The following CCDC7 variants were observed in gnomAD, a reference collection of about 807,000 sequenced individuals.
The protein encoded by CCDC7 is coiled-coil domain containing 7, also known as coiled-coil domain-containing protein 7.
CCDC7 carries 183 observed loss-of-function variants against 196.9 expected under a neutral mutation model. That is an observed-to-expected ratio of 0.93 (90% CI 0.82 to 1.05). The LOEUF (loss-of-function observed/expected upper bound fraction) is 1.05, where lower values mean the gene tolerates loss of function less well. Ranked by LOEUF, CCDC7 falls within the 50% of genes least tolerant of loss-of-function variation. The probability of loss-of-function intolerance (pLI) is 0.00; values close to 1 mark genes in which losing one functional copy is unlikely to be tolerated. For missense variants in CCDC7, 1,540 were observed against 1,482.2 expected (o/e 1.04, Z -0.64); for synonymous variants, 525 against 484.6 (o/e 1.08, Z -1.10).
intron 18 of CCDC7, among the ~76,000 whole-genome samples, chr10:32,627,324 A>T (rs1317614494): frequency 6.6e-6 from 1 of 151,726 alleles, no homozygotes; most frequent in Non-Finnish European, 1.5e-5. Context: ...TCTGTTTTGG[A>T]TAGTTCATTG....
downstream of CCDC7, among the ~76,000 whole-genome samples, chr10:32,877,643 G>A (rs1338823510): frequency 6.6e-6 from 1 of 152,070 alleles, no homozygotes; most frequent in Admixed American, 6.6e-5. Context: ...GATTCAGCAG[G>A]CTTTTCTATA....
intron 24 of CCDC7, among the ~76,000 whole-genome samples, chr10:32,697,760 A>T (rs953583346): frequency 2.6e-5 from 4 of 152,218 alleles, no homozygotes; most frequent in Non-Finnish European, 5.9e-5. Context: ...ATAGCTGAAC[A>T]AAAGGCAGCG....
At chr10:32,692,780 G>A (rs2077235864) in intron 23 of CCDC7, among the ~76,000 whole-genome samples, 1 of 152,180 alleles carries the variant, frequency 6.6e-6, no homozygotes, top group African/African-American at 2.4e-5. Flanking sequence ...AGCTCTACCA[G>A]TGTCCCATTT....
At chr10:32,743,077 GT>G (rs1031523193) in intron 28 of CCDC7, among the ~76,000 whole-genome samples, 1 of 152,100 alleles carries the variant, frequency 6.6e-6, no homozygotes, top group Admixed American at 6.6e-5. Flanking sequence ...AATGTTATGG[GT>G]TTTTTCCCCA....
intron 9 of CCDC7, among the ~76,000 whole-genome samples, chr10:32,508,616 A>C (rs1283269418): frequency 1.3e-5 from 2 of 152,118 alleles, no homozygotes; most frequent in Non-Finnish European, 2.9e-5. Flanking sequence ...GGCTGGAAGC[A>C]CATTACTTTC....
chr10:32,811,704 C>A (rs1185614539), intron 30 of CCDC7, among the ~76,000 whole-genome samples: 1 of 152,042 alleles, frequency 6.6e-6, no homozygotes, highest in African/African-American at 2.4e-5. Context: ...GGACGGAATT[C>A]TCTGTAACTC....
chr10:32,641,382 C>T (rs1049143662), intron 20 of CCDC7, among the ~76,000 whole-genome samples: 6 of 152,182 alleles, frequency 3.9e-5, no homozygotes, highest in South Asian at 2.1e-4. Context: ...AACTTCTCTT[C>T]TCACTTCATT....
intron 28 of CCDC7, among the ~76,000 whole-genome samples, chr10:32,736,094 C>T (rs2084820116): frequency 1.3e-5 from 2 of 152,122 alleles, no homozygotes; most frequent in Admixed American, 1.3e-4. Context: ...TGGGTAGTGT[C>T]AATCCTTTGA....
chr10:32,852,027 C>T (rs2093584120), intron 40 of CCDC7, 95 bp downstream of exon 41: 28 of 1,279,202 alleles, frequency 2.2e-5, no homozygotes, highest in Non-Finnish European at 2.6e-5. Context: ...AGTCATATAA[C>T]AGTTTGGCAA....
chr10:32,561,800 CA>C (rs2055710790), intron 13 of CCDC7, among the ~76,000 whole-genome samples: 1 of 152,102 alleles, frequency 6.6e-6, no homozygotes, highest in African/African-American at 2.4e-5. Context: ...TAAGTAAAAT[CA>C]GAGCAGAACT....
chr10:32,587,987 A>G (rs555676019), intron 18 of CCDC7, among the ~76,000 whole-genome samples: 2 of 152,220 alleles, frequency 1.3e-5, no homozygotes, highest in African/African-American at 4.8e-5. Flanking sequence ...GCCTTGCCAC[A>G]TGAATAAATT....
intron 23 of CCDC7, among the ~76,000 whole-genome samples, 195 bp downstream of exon 24, chr10:32,689,358 G>A (rs142181663): frequency 2.0e-3 from 310 of 152,204 alleles, no homozygotes; most frequent in Middle Eastern, 0.01. Flanking sequence ...CATGACCACA[G>A]GACACACAGT....
At chr10:32,837,302 C>T (rs534486478) in intron 33 of CCDC7, among the ~76,000 whole-genome samples, 21 of 152,244 alleles carry the variant, frequency 1.4e-4, no homozygotes, top group African/African-American at 4.3e-4. Context: ...GACATTTATG[C>T]AGCCAAAAGA....
intron 3 of CCDC7, among the ~76,000 whole-genome samples, chr10:32,461,192 T>A (rs2035546996): frequency 6.6e-6 from 1 of 152,172 alleles, no homozygotes. Flanking sequence ...AGTTACATAC[T>A]GATAAACCCA....
Position 32,648,191 on chromosome 10 carries a change from C to G in CCDC7, c.2014+13033C>G, listed in dbSNP as rs374438795. Among the ~76,000 whole-genome samples, 20 of 152,238 alleles carry G rather than the reference C, an allele frequency of 1.3e-4. No individual in the cohort carries two copies. In the South Asian group the frequency reaches 2.3e-3, roughly 17 times the overall value. On this transcript the variant is annotated intron_variant, in intron 20 of 41. Coordinates refer to ENST00000639629, the Ensembl canonical transcript of CCDC7. ...TATTCTATTTTATTGGATTGTGTGT[C>G]TGTTTTTGTACCAGTACCAAACTGT...
chr10:32,805,697 A>C (rs1176955237), intron 30 of CCDC7, among the ~76,000 whole-genome samples: 1 of 152,220 alleles, frequency 6.6e-6, no homozygotes, highest in African/African-American at 2.4e-5. Context: ...TAAAAGACAT[A>C]CTCAAAGAGG....
At chr10:32,531,579 T>G (rs1458009362) in intron 11 of CCDC7, among the ~76,000 whole-genome samples, 1 of 152,184 alleles carries the variant, frequency 6.6e-6, no homozygotes, top group African/African-American at 2.4e-5. Context: ...GTAGAATGCA[T>G]TTGGAAGCAC....
At chr10:32,562,176 AAG>A (rs2055820816) in intron 13 of CCDC7, among the ~76,000 whole-genome samples, 2 of 152,312 alleles carry the variant, frequency 1.3e-5, no homozygotes, top group South Asian at 4.1e-4. Context: ...ACCAACCAAA[AAG>A]AGTCCAGGAC....
intron 41 of CCDC7, among the ~76,000 whole-genome samples, chr10:32,872,243 G>A (rs1215467963): frequency 6.6e-6 from 1 of 152,104 alleles, no homozygotes; most frequent in Non-Finnish European, 1.5e-5. Flanking sequence ...GGGAGTCTAA[G>A]TCTCTTTTTA....
Sources: gnomAD v4.1 joint callset for allele counts (sites outside exome capture counted in the v4.1 genomes callset) on GRCh38, gnomAD v4.1.1 for gene constraint, MANE v1.5 for transcripts, NCBI Gene and HGNC (gene_info 2026-07-23, HGNC 2026-07-21) for gene names.